DYNC1I1: variants seen among roughly 807,000 people sequenced by gnomAD.
DYNC1I1 encodes the protein cytoplasmic dynein 1 intermediate chain 1.
A neutral mutation model predicts 86.6 loss-of-function variants in DYNC1I1; 43 were observed. The observed-to-expected ratio is 0.50, with a 90% confidence interval of 0.39 to 0.64. DYNC1I1 has a LOEUF of 0.64. Among genes scored for constraint, DYNC1I1 ranks in the 30% least tolerant of loss-of-function variants. The probability of loss-of-function intolerance (pLI) is 0.00; values close to 1 mark genes in which losing one functional copy is unlikely to be tolerated. For missense variants in DYNC1I1, 604 were observed against 788.8 expected, an observed-to-expected ratio of 0.77 and a Z score of 2.81; for synonymous variants, 262 against 283.7, an observed-to-expected ratio of 0.92 and a Z score of 0.77.
At chr7:95,795,542 A>C (rs1332594463) in intron 1 of DYNC1I1, among the ~76,000 whole-genome samples, 1 of 152,218 alleles carries the variant, frequency 6.6e-6, no homozygotes, top group Non-Finnish European at 1.5e-5. Context: ...TATGCCATGG[A>C]ATATGATGCA....
intron 4 of DYNC1I1, among the ~76,000 whole-genome samples, chr7:95,816,261 A>G (rs536317282): frequency 1.3e-5 from 2 of 152,280 alleles, no homozygotes; most frequent in East Asian, 1.9e-4. Context: ...GCCTTAAGCA[A>G]TCCTTTTGCC....
chr7:95,872,013 A>G (rs1174260935), intron 6 of DYNC1I1, among the ~76,000 whole-genome samples: 1 of 152,184 alleles, frequency 6.6e-6, no homozygotes, highest in Admixed American at 6.5e-5. Flanking sequence ...ACTGCCCCTC[A>G]CCACAGGCGA....
chr7:95,918,362 T>C (rs977735023), intron 6 of DYNC1I1, among the ~76,000 whole-genome samples: 2 of 152,172 alleles, frequency 1.3e-5, no homozygotes, highest in African/African-American at 4.8e-5. Context: ...TTCCTGTGGG[T>C]CTGTAGTTTT....
intron 6 of DYNC1I1, among the ~76,000 whole-genome samples, chr7:95,927,456 G>T (rs1390461381): frequency 6.6e-6 from 1 of 152,106 alleles, no homozygotes; most frequent in Non-Finnish European, 1.5e-5. Context: ...TAGGACTTAA[G>T]GCCATTATTG....
At chr7:96,084,874 C>A (rs1790633229) in intron 16 of DYNC1I1, among the ~76,000 whole-genome samples, 1 of 152,106 alleles carries the variant, frequency 6.6e-6, no homozygotes, top group South Asian at 2.1e-4. Context: ...CATAATTTTG[C>A]CTGAAAATAT....
At chr7:95,950,921 T>C (rs1230821861) in intron 6 of DYNC1I1, among the ~76,000 whole-genome samples, 1 of 152,228 alleles carries the variant, frequency 6.6e-6, no homozygotes, top group Non-Finnish European at 1.5e-5. Context: ...TCTGTAGCTA[T>C]TGGGAAACAT....
At chr7:95,922,818 A>G (rs900345986) in intron 6 of DYNC1I1, among the ~76,000 whole-genome samples, 3 of 152,054 alleles carry the variant, frequency 2.0e-5, no homozygotes, top group African/African-American at 7.2e-5. Context: ...TGTCATTTCA[A>G]AGCCTTCCAG....
intron 6 of DYNC1I1, among the ~76,000 whole-genome samples, chr7:95,967,261 G>T (rs982385192): frequency 6.6e-6 from 1 of 152,112 alleles, no homozygotes; most frequent in Non-Finnish European, 1.5e-5. Flanking sequence ...TGAACAAAAG[G>T]TTGTAGGAAA....
chr7:96,101,386 T>C (rs1239579505), downstream of DYNC1I1, among the ~76,000 whole-genome samples: 1 of 152,012 alleles, frequency 6.6e-6, no homozygotes, highest in African/African-American at 2.4e-5. Flanking sequence ...CCAGAAACCA[T>C]TGACTGAAGA....
At chr7:96,000,625 G>A (rs1793986895) in intron 10 of DYNC1I1, among the ~76,000 whole-genome samples, 1 of 152,200 alleles carries the variant, frequency 6.6e-6, no homozygotes. Flanking sequence ...CGATGAGCTA[G>A]ACAGTGATTC....
intron 5 of DYNC1I1, among the ~76,000 whole-genome samples, chr7:95,834,948 G>A (rs2115970109): frequency 6.6e-6 from 1 of 150,530 alleles, no homozygotes; most frequent in East Asian, 2.0e-4. Context: ...ATTTTTTGAA[G>A]GGTTTTTTGT....
At chr7:95,837,440 C>G (rs1195905209) in intron 5 of DYNC1I1, among the ~76,000 whole-genome samples, 1 of 152,168 alleles carries the variant, frequency 6.6e-6, no homozygotes, top group Non-Finnish European at 1.5e-5. Context: ...TGCCCTGCCC[C>G]CAGAGGTGGA....
intron 8 of DYNC1I1, among the ~76,000 whole-genome samples, chr7:95,986,829 A>G (rs1049757437): frequency 3.2e-4 from 48 of 152,014 alleles, no homozygotes; most frequent in African/African-American, 1.1e-3. Context: ...CTGACATTTC[A>G]TAACAGTCTT....
intron 10 of DYNC1I1, among the ~76,000 whole-genome samples, chr7:96,021,938 A>G (rs546754361): frequency 2.0e-4 from 31 of 152,310 alleles, no homozygotes; most frequent in African/African-American, 7.5e-4. Context: ...CCACTTTTTA[A>G]CAATTATGAA....
At chr7:95,798,089 T>C (rs959251191) in intron 1 of DYNC1I1, among the ~76,000 whole-genome samples, 1 of 152,146 alleles carries the variant, frequency 6.6e-6, no homozygotes, top group Non-Finnish European at 1.5e-5. Context: ...ATAACCTACA[T>C]AAAAACATAA....
chr7:95,792,382 C>A (rs1360582106), intron 1 of DYNC1I1, among the ~76,000 whole-genome samples: 2 of 152,180 alleles, frequency 1.3e-5, no homozygotes, highest in Non-Finnish European at 2.9e-5. Flanking sequence ...CTCTGACCGT[C>A]CCCTCCCCTT....
chr7:95,885,859 G>A (rs2116245606), intron 6 of DYNC1I1, among the ~76,000 whole-genome samples: 1 of 152,120 alleles, frequency 6.6e-6, no homozygotes, highest in East Asian at 1.9e-4. Context: ...TTATCAGAAA[G>A]AAAGACATTT....
chr7:96,034,752 C>T (rs1004708804), intron 12 of DYNC1I1, among the ~76,000 whole-genome samples: 2 of 152,150 alleles, frequency 1.3e-5, no homozygotes, highest in Admixed American at 1.3e-4. Flanking sequence ...AGACTGTTAG[C>T]TTGCACTTTC....
chr7:95,948,082 G>T (rs781345487), intron 6 of DYNC1I1, among the ~76,000 whole-genome samples: 1 of 150,638 alleles, frequency 6.6e-6, no homozygotes, highest in Non-Finnish European at 1.5e-5. Context: ...GACCAACAGT[G>T]GGCGAGTAAG....
Sources: gnomAD v4.1 joint callset for allele counts (sites outside exome capture counted in the v4.1 genomes callset) on GRCh38, gnomAD v4.1.1 for gene constraint, MANE v1.5 for transcripts, NCBI Gene and HGNC (gene_info 2026-07-23, HGNC 2026-07-21) for gene names.